YTHDF1: variants seen among roughly 807,000 people sequenced by gnomAD.
YTHDF1 encodes YTH domain-containing family protein 1.
A neutral mutation model predicts 49.1 loss-of-function variants in YTHDF1; 16 were observed. That is an observed-to-expected ratio of 0.33 (90% confidence interval 0.22 to 0.49). The LOEUF is 0.49. Ranked by LOEUF, YTHDF1 falls within the 20% of genes least tolerant of loss-of-function variation. The probability of loss-of-function intolerance (pLI) is 0.99; values close to 1 mark genes in which losing one functional copy is unlikely to be tolerated. For missense variants in YTHDF1, 621 were observed against 744.3 expected (o/e 0.83, Z 1.93); for synonymous variants, 313 against 290.1 (o/e 1.08, Z -0.80).
chr20:63,200,708 GTT>G (rs1157027385), intron 4 of YTHDF1, among the ~76,000 whole-genome samples: 3 of 152,166 alleles, frequency 2.0e-5, no homozygotes, highest in Non-Finnish European at 4.4e-5. Flanking sequence ...GGACACTAGA[GTT>G]TTAAAAACAC....
chr20:63,204,022 C>T (rs986013365), intron 3 of YTHDF1, among the ~76,000 whole-genome samples: 7 of 152,158 alleles, frequency 4.6e-5, no homozygotes, highest in African/African-American at 7.2e-5. Flanking sequence ...TCTCAAAATA[C>T]GAAGCATCAT....
chr20:63,210,742 C>G (rs941857072), intron 3 of YTHDF1, among the ~76,000 whole-genome samples: 5 of 152,052 alleles, frequency 3.3e-5, no homozygotes, highest in Non-Finnish European at 7.4e-5. Flanking sequence ...GAGCTGAGAT[C>G]GCGCCACTGC....
In YTHDF1 at chr20:63,208,238, T is replaced by C. The variant is rs549216439; in HGVS notation, c.133-4431A>G. Among the ~76,000 whole-genome samples, 9 of 152,198 alleles carry C rather than the reference T, an allele frequency of 5.9e-5. No individual in the cohort carries two copies. In the East Asian group the frequency reaches 1.7e-3, roughly 29 times the overall value. ...AGCCCAAGAGGAACAGAGAGAAGCA[T>C]TTGCTTAATAAAAACAAACAAACAA... On this transcript the variant is annotated intron_variant, in intron 3 of 4. Transcript: ENST00000370339.
chr20:63,208,448 C>T (rs1015248229), intron 3 of YTHDF1, among the ~76,000 whole-genome samples: 1 of 152,096 alleles, frequency 6.6e-6, no homozygotes, highest in Non-Finnish European at 1.5e-5. Context: ...AACCGAAAAA[C>T]CCTAATTTAC....
rs756471009 is a variant in YTHDF1 at position 63,215,709 on chromosome 20, G to A, written c.28-108C>T. On this transcript the variant is annotated intron_variant, in intron 1 of 4. Coordinates refer to ENST00000370339, the MANE Select transcript of YTHDF1 (RefSeq NM_017798.4). ...CTCCAACGGGCCGCGAGCTCCGCCG[G>A]CCCCGACGCGCGGTCACGTGCGACC... 5 of 1,419,390 alleles carry A rather than the reference G, an allele frequency of 3.5e-6. No homozygotes were observed. The African/African-American group carries it at 6.0e-5, about 17-fold the overall frequency. 87.9% of individuals were successfully genotyped at this position (1,419,390 alleles called of 1,614,324 possible).
intron 4 of YTHDF1, among the ~76,000 whole-genome samples, chr20:63,202,002 T>G (rs1286540286): frequency 1.3e-5 from 2 of 152,244 alleles, no homozygotes; most frequent in Non-Finnish European, 2.9e-5. Flanking sequence ...AAAAACAGAA[T>G]GTGTACACTG....
rs1047303971 is a variant in YTHDF1, at chr20:63,206,020, G to A, written c.133-2213C>T. On this transcript the variant is annotated intron_variant, in intron 3 of 4. Transcript: ENST00000370339. ...CTGCCCTGGCCAACAGGCCCAGACT[G>A]GGGGGGTGAGCGAATCAGGGGGGCG... Among the ~76,000 whole-genome samples, 3 of 151,648 alleles carry A rather than the reference G, an allele frequency of 2.0e-5. No individual in the cohort carries two copies. In the South Asian group the frequency reaches 6.3e-4, roughly 32 times the overall value.
chr20:63,202,344 G>C lies in YTHDF1; in HGVS notation c.1596C>G (p.Ile532Met). 1.2e-6 allele frequency: 2 copies of C among 1,614,256 alleles called. No individual in the cohort carries two copies. Among genetic ancestry groups the C allele is most frequent in the Non-Finnish European group, 1.7e-6 (2 of 1,180,032 alleles). Residue 532 changes from isoleucine (I) to methionine (M), a missense_variant, in exon 4 of 5, where the codon ATC (isoleucine) becomes ATG (methionine). By Grantham distance (10) the Ile-to-Met change is conservative. Around this residue, in one of 2 missense-constraint regions of YTHDF1, gnomAD observed 151 missense variants for 248.5 expected, o/e 0.61. Transcript: ENST00000370339. ...IISSYKHTTS[I>M]FDDFAHYEKR... ...TCTCGTAGTGAGCAAAGTCGTCGAA[G>C]ATGGAGGTTGTGTGCTTGTAGGAAC... is the stretch of plus-strand genomic sequence containing the variant.
chr20:63,212,498 C>T (rs1445817513), intron 3 of YTHDF1, among the ~76,000 whole-genome samples: 1 of 152,168 alleles, frequency 6.6e-6, no homozygotes, highest in African/African-American at 2.4e-5. Flanking sequence ...AATCACAGCA[C>T]ACGAAATGGA....
chr20:63,207,132 T>C (rs1199048194), intron 3 of YTHDF1, among the ~76,000 whole-genome samples: 1 of 152,232 alleles, frequency 6.6e-6, no homozygotes, highest in African/African-American at 2.4e-5. Context: ...CACGGCTCCA[T>C]GGGCACTGAG....
At position 63,196,698 on chromosome 20, in the gene YTHDF1, T is replaced by C. The variant is rs754866257; in HGVS notation, c.*10A>G. The stretch of plus-strand genomic sequence containing the variant: ...TCAAACGTTAGAACATGTAAGAAAC[T>C]GGTTCGCCCTCATTGTTTGTTTCGA... On this transcript the variant is annotated 3_prime_UTR_variant, in exon 5 of 5. Coordinates refer to ENST00000370339, the MANE Select transcript of YTHDF1 (RefSeq NM_017798.4). 5.6e-6 allele frequency: 9 copies of C among 1,613,602 alleles called. No individual in the cohort carries two copies. The highest frequency in any genetic ancestry group is 3.3e-4 in the Middle Eastern group (2 of 6,082).
In YTHDF1 at chr20:63,202,422, C is replaced by T; in HGVS notation, c.1518G>A (p.Arg506=). ...TTTCTAAGGGCACCTCCTGGGTGTC[C>T]CGGGAGTTTGTGACCGGTTTGTTGT... ...NNDNKPVTNS[R]DTQEVPLEKA... Residue 506 remains arginine (R), a synonymous_variant, in exon 4 of 5, where the codon CGG becomes CGA. Coordinates refer to ENST00000370339, the MANE Select transcript of YTHDF1 (RefSeq NM_017798.4). 6.2e-7 allele frequency: 1 copy of T among 1,614,262 alleles called. No homozygotes were observed. Among genetic ancestry groups the T allele is most frequent in the Non-Finnish European group, 8.5e-7 (1 of 1,180,052 alleles).
chr20:63,202,266 G>T (rs1338288435), intron 4 of YTHDF1, 21 bp downstream of exon 4: 1 of 1,600,978 alleles, frequency 6.2e-7, no homozygotes, highest in South Asian at 1.1e-5. Context: ...CATGGCAGTT[G>T]CCTGCAACAC....
In YTHDF1 at chr20:63,196,601, C is replaced by A; in HGVS notation, c.*107G>T. The A allele has an allele frequency of 7.6e-7, 1 of 1,323,560 alleles. No individual in the cohort carries two copies. The highest frequency in any genetic ancestry group is 1.1e-6 in the Non-Finnish European group (1 of 948,476). 82.0% of individuals were successfully genotyped at this position (1,323,560 alleles called of 1,614,324 possible). ...ATCAACGACAAGAAAGGCAAAGATGCAACACTCAACCCCCGCACGGGACGA... is the reference window on the plus strand; with the variant it reads ...ATCAACGACAAGAAAGGCAAAGATGAAACACTCAACCCCCGCACGGGACGA... On this transcript the variant is annotated 3_prime_UTR_variant, in exon 5 of 5. Transcript: ENST00000370339.
chr20:63,201,658 C>T (rs181089879), intron 4 of YTHDF1, among the ~76,000 whole-genome samples: 123 of 152,336 alleles, frequency 8.1e-4, no homozygotes, highest in African/African-American at 2.8e-3. Context: ...TATAAAATGT[C>T]TGGATTCCAA....
In YTHDF1 at chr20:63,216,000, TC is replaced by T; in HGVS notation, c.-109del. ...CGCGGCCCCGGGCCCCGCCGCCAAT[TC>T]CCCGGGCGCCGGCCGGGCGGCGGCG... On this transcript the variant is annotated 5_prime_UTR_variant, in exon 1 of 5. Transcript: ENST00000370339. 1 of 1,006,920 alleles carries T rather than the reference TC, an allele frequency of 9.9e-7. No homozygotes were observed. Among genetic ancestry groups the T allele is most frequent in the Non-Finnish European group, 1.2e-6 (1 of 827,524 alleles). 62.4% of individuals were successfully genotyped at this position (1,006,920 alleles called of 1,614,324 possible).
chr20:63,207,560 AG>A (rs1232259588), intron 3 of YTHDF1, among the ~76,000 whole-genome samples: 1 of 151,094 alleles, frequency 6.6e-6, no homozygotes, highest in African/African-American at 2.4e-5. Flanking sequence ...CTCGTAAATG[AG>A]TGGCATAAAC....
intron 4 of YTHDF1, among the ~76,000 whole-genome samples, chr20:63,198,565 C>CA (rs1200797770): frequency 6.6e-6 from 1 of 152,000 alleles, no homozygotes; most frequent in Non-Finnish European, 1.5e-5. Context: ...CATCTCCCTT[C>CA]AGCCCTTATA....
Position 63,215,789 on chromosome 20 carries a change from G to A in YTHDF1, c.27+77C>T. ...CCCGGCCTCCGCGACCCCGGGCTCT[G>A]CGTTCCAGCCCCAGGACCTCAACCC... On this transcript the variant is annotated intron_variant, in intron 1 of 4. Transcript: ENST00000370339. 2.1e-6 allele frequency: 3 copies of A among 1,420,060 alleles called. No homozygotes were observed. The South Asian group carries it at 4.2e-5, about 20-fold the overall frequency. The allele number at this position is 1,420,060 out of a possible 1,614,324, so 88.0% of individuals were successfully genotyped here.
Sources: allele counts gnomAD v4.1 joint callset (sites outside exome capture counted in the v4.1 genomes callset), GRCh38; gene constraint gnomAD v4.1.1; regional missense constraint gnomAD v4.1.1; transcripts MANE v1.5; gene names NCBI Gene and HGNC (gene_info 2026-07-23, HGNC 2026-07-21).